The following PRICKLE1 variants were observed in gnomAD, a reference collection of about 807,000 sequenced individuals.
The protein encoded by PRICKLE1 is prickle-like protein 1.
A neutral mutation model predicts 70.2 loss-of-function variants in PRICKLE1; 14 were observed. The ratio of observed to expected loss-of-function variants is 0.20; its 90% CI spans 0.13 to 0.31. PRICKLE1 has a LOEUF of 0.31. PRICKLE1 is among the 10% of genes least tolerant of loss of function. The pLI is 1.00. For missense variants in PRICKLE1, 821 were observed against 1,026.2 expected (o/e 0.80, Z 2.73); for synonymous variants, 357 against 379.9 (o/e 0.94, Z 0.70).
chr12:42,570,992 T>C (rs1232160396), intron 1 of PRICKLE1, among the ~76,000 whole-genome samples: 2 of 152,234 alleles, frequency 1.3e-5, no homozygotes, highest in East Asian at 3.8e-4. Flanking sequence ...TACATATTAA[T>C]GTCAACAATA....
At chr12:42,469,969 C>T (rs1938250059) in intron 3 of PRICKLE1, 1 of 499,860 alleles carries the variant, frequency 2.0e-6, no homozygotes, top group Non-Finnish European at 3.6e-6. Context: ...ACTCTGGATG[C>T]AGGGGCTGGG....
At chr12:42,477,710 C>T (rs1157624926) in intron 1 of PRICKLE1, among the ~76,000 whole-genome samples, 1 of 151,578 alleles carries the variant, frequency 6.6e-6, no homozygotes, top group Non-Finnish European at 1.5e-5. Context: ...TGCTTTAAGC[C>T]AAGCATATGA....
chr12:42,518,224 TG>T (rs1365908930), intron 1 of PRICKLE1, among the ~76,000 whole-genome samples: 2 of 152,010 alleles, frequency 1.3e-5, no homozygotes, highest in East Asian at 3.9e-4. Context: ...TTAAAATTTT[TG>T]TAGAGATGGG....
At chr12:42,471,371 G>C (rs1484761114) in intron 2 of PRICKLE1, among the ~76,000 whole-genome samples, 1 of 152,152 alleles carries the variant, frequency 6.6e-6, no homozygotes, top group African/African-American at 2.4e-5. Flanking sequence ...ACAGGAGACA[G>C]GAATTTAGGG....
At position 42,559,626 on chromosome 12, in the gene PRICKLE1, T is replaced by TA. The variant is rs1244768967; in HGVS notation, c.-49+29838_-49+29839insT. ...TGTGTGTATATATATATATATATATTTTTTTTTTTTGGGGGGGGTAGAGAT... is the reference window on the plus strand; with the variant it reads ...TGTGTGTATATATATATATATATATTATTTTTTTTTTGGGGGGGGTAGAGAT... On this transcript the variant is annotated intron_variant, in intron 1 of 7. Transcript: ENST00000345127. Among the ~76,000 whole-genome samples the TA allele has an allele frequency of 7.3e-4, 60 of 82,008 alleles. 1 individual carries two copies. Among genetic ancestry groups the TA allele is most frequent in the Non-Finnish European group, 1.2e-3 (49 of 42,130 alleles). The allele number at this position is 82,008 out of a possible 152,430, so 53.8% of individuals were successfully genotyped here. A position where few individuals can be genotyped will look rare whatever the true frequency, so the allele number is the denominator to read the frequency against.
At chr12:42,537,376 G>A (rs1940032929) in intron 1 of PRICKLE1, among the ~76,000 whole-genome samples, 2 of 151,974 alleles carry the variant, frequency 1.3e-5, no homozygotes, top group Admixed American at 1.3e-4. Flanking sequence ...TGTTGCCCAG[G>A]CTGGTCTCGA....
chr12:42,553,523 G>A (rs931554988), intron 1 of PRICKLE1, among the ~76,000 whole-genome samples: 9 of 147,714 alleles, frequency 6.1e-5, no homozygotes, highest in Admixed American at 1.3e-4. Flanking sequence ...TCTAGAATCA[G>A]GGGGTGGGTG....
chr12:42,473,831 C>CA (rs60989255), intron 1 of PRICKLE1, among the ~76,000 whole-genome samples: 28 of 145,788 alleles, frequency 1.9e-4, no homozygotes, highest in African/African-American at 6.8e-4. Context: ...GGAAGGATGT[C>CA]AAAAAAAAAA....
intron 1 of PRICKLE1, among the ~76,000 whole-genome samples, chr12:42,508,881 A>G (rs1939463881): frequency 6.6e-6 from 1 of 152,216 alleles, no homozygotes; most frequent in Non-Finnish European, 1.5e-5. Context: ...TCATCTACAC[A>G]GCGGCAGATG....
chr12:42,459,655 G>A lies in PRICKLE1; in HGVS notation c.*154C>T. 2 of 898,858 alleles carry A rather than the reference G, an allele frequency of 2.2e-6. No homozygotes were observed. The highest frequency in any genetic ancestry group is 1.6e-5 in the South Asian group (1 of 64,008). 55.7% of individuals were successfully genotyped at this position (898,858 alleles called of 1,614,324 possible). A position where few individuals can be genotyped will look rare whatever the true frequency, so the allele number is the denominator to read the frequency against. ...ATTGGAGAAATCACACCTTTCAAAT[G>A]TTAATCTGACACTGTAAACAGCAGT... On this transcript the variant is annotated 3_prime_UTR_variant, in exon 8 of 8. Coordinates refer to ENST00000345127, the MANE Select transcript of PRICKLE1 (RefSeq NM_153026.3).
At chr12:42,499,019 T>TC (rs1286240374) in intron 1 of PRICKLE1, among the ~76,000 whole-genome samples, 1 of 152,188 alleles carries the variant, frequency 6.6e-6, no homozygotes, top group Non-Finnish European at 1.5e-5. Context: ...GAGTCATTTT[T>TC]CACATACAGT....
At chr12:42,490,607 G>T (rs1398577208) in intron 1 of PRICKLE1, among the ~76,000 whole-genome samples, 1 of 152,192 alleles carries the variant, frequency 6.6e-6, no homozygotes, top group Admixed American at 6.5e-5. Context: ...GAAGATAGTC[G>T]GTGTGTCTGA....
rs774624657 is a variant in PRICKLE1, at chr12:42,460,177, C to T, written c.2128G>A (p.Glu710Lys). ...RLRLYTPDNYEKFIQNKSARE... is the reference protein window; with the variant it reads ...RLRLYTPDNYKKFIQNKSARE... ...GCACTTTTATTCTGTATAAATTTCT[C>T]ATAGTTATCGGGGGTGTACAGCCGC... Residue 710 changes from glutamate to lysine, a missense_variant, in exon 8 of 8, where the codon GAG (glutamate) becomes AAG (lysine). Transcript: ENST00000345127. The T allele has an allele frequency of 5.0e-6, 8 of 1,614,038 alleles. No homozygotes were observed. The South Asian group carries it at 8.8e-5, about 18-fold the overall frequency.
intron 1 of PRICKLE1, among the ~76,000 whole-genome samples, chr12:42,532,255 T>TA (rs1345597188): frequency 6.6e-6 from 1 of 152,220 alleles, no homozygotes; most frequent in Non-Finnish European, 1.5e-5. Context: ...CAGAGATATG[T>TA]AAAAAACATC....
chr12:42,547,862 G>T (rs1049635499), intron 1 of PRICKLE1, among the ~76,000 whole-genome samples: 5 of 152,002 alleles, frequency 3.3e-5, no homozygotes, highest in African/African-American at 1.2e-4. Flanking sequence ...AAGTGTTTTG[G>T]ATTTTTGATT....
In PRICKLE1 at chr12:42,460,163, C is replaced by T; in HGVS notation, c.2142G>A (p.Gln714=). ...CTTGGATCTCCCGGGCACTTTTATT[C>T]TGTATAAATTTCTCATAGTTATCGG... ...YTPDNYEKFI[Q]NKSAREIQAY... The change falls in exon 8 of 8, where the codon CAG becomes CAA. Residue 714 remains glutamine (Q), a synonymous_variant. Coordinates refer to ENST00000345127, the MANE Select transcript of PRICKLE1 (RefSeq NM_153026.3). The T allele has an allele frequency of 6.2e-7, 1 of 1,614,010 alleles. No individual in the cohort carries two copies. Among genetic ancestry groups the T allele is most frequent in the Non-Finnish European group, 8.5e-7 (1 of 1,180,010 alleles).
At chr12:42,585,140 C>T (rs1478081726) in intron 1 of PRICKLE1, among the ~76,000 whole-genome samples, 1 of 151,916 alleles carries the variant, frequency 6.6e-6, no homozygotes, top group South Asian at 2.1e-4. Context: ...TTGAATTGGT[C>T]AGTTGACTTT....
intron 1 of PRICKLE1, among the ~76,000 whole-genome samples, chr12:42,588,048 G>A (rs1169403393): frequency 1.3e-5 from 2 of 151,920 alleles, no homozygotes; most frequent in East Asian, 3.9e-4. Context: ...CCTGATAATA[G>A]AAGGCGGCTG....
intron 1 of PRICKLE1, among the ~76,000 whole-genome samples, chr12:42,539,399 C>T (rs2120589333): frequency 6.7e-6 from 1 of 150,042 alleles, no homozygotes; most frequent in Non-Finnish European, 1.5e-5. Context: ...ACCTGGGAGG[C>T]AGAGCTTGCA....
Sources: gnomAD v4.1 joint callset for allele counts (sites outside exome capture counted in the v4.1 genomes callset) on GRCh38, gnomAD v4.1.1 for gene constraint, MANE v1.5 for transcripts, NCBI Gene and HGNC (gene_info 2026-07-23, HGNC 2026-07-21) for gene names.